The following COL6A3 variants were observed in gnomAD, a reference collection of about 807,000 sequenced individuals.
The protein encoded by COL6A3 is collagen alpha-3(VI) chain.
A neutral mutation model predicts 274.1 loss-of-function variants in COL6A3; 137 were observed. The ratio of observed to expected loss-of-function variants is 0.50; its 90% confidence interval spans 0.44 to 0.58. COL6A3 has a LOEUF of 0.58. Ranked by LOEUF, COL6A3 falls within the 20% of genes least tolerant of loss-of-function variation. The pLI, the probability that COL6A3 is intolerant of heterozygous loss-of-function variation, is 0.00. For missense variants in COL6A3, 3,950 were observed against 4,124.9 expected, an observed-to-expected ratio of 0.96 and a Z score of 1.16; for synonymous variants, 1,650 against 1,650.6, an observed-to-expected ratio of 1.00 and a Z score of 0.01.
In COL6A3 at chr2:237,371,672, A is replaced by G; in HGVS notation, c.4285+60T>C. The G allele has an allele frequency of 3.9e-6, 6 of 1,529,506 alleles. No individual in the cohort carries two copies. The highest frequency in any genetic ancestry group is 5.3e-6 in the Non-Finnish European group (6 of 1,141,742). 94.7% of individuals were successfully genotyped at this position (1,529,506 alleles called of 1,614,324 possible). A position where few individuals can be genotyped will look rare whatever the true frequency, so the allele number is the denominator to read the frequency against. On this transcript the variant is annotated intron_variant, in intron 9 of 43. Transcript: ENST00000295550. The surrounding 1 kb of genome is among the most constrained non-coding windows in gnomAD (Gnocchi z 4.3). Reference sequence around the variant, plus strand: ...TTTATTATGAGTACCATGGCCTTTGAGCCTGTTATTTTTCATATGGAAAAT... The same window carrying G: ...TTTATTATGAGTACCATGGCCTTTGGGCCTGTTATTTTTCATATGGAAAAT...
chr2:237,346,353 A>G (rs1319070121), intron 32 of COL6A3, 150 bp downstream of exon 32: 1 of 693,920 alleles, frequency 1.4e-6, no homozygotes, highest in Non-Finnish European at 2.6e-6. Flanking sequence ...TCTTTGCTGC[A>G]TCATGATGTC....
At position 237,368,621 on chromosome 2, in the gene COL6A3, T is replaced by C. The variant is rs199531763; in HGVS notation, c.4842A>G (p.Gly1614=). Residue 1614 remains glycine, a synonymous_variant, in exon 10 of 44, where the codon GGA becomes GGG. Transcript: ENST00000295550. This position sits in a 1 kb window ranked among gnomAD's most constrained non-coding sequence, Gnocchi z 4.4. Reference sequence around the variant, plus strand: ...GAGGTGCAGGAGTGGCTGCGGAGGGTCCAAACGAGTTCATGATTCTTTCTT... The same window carrying C: ...GAGGTGCAGGAGTGGCTGCGGAGGGCCCAAACGAGTTCATGATTCTTTCTT... The part of the protein sequence containing the change: ...NIEERIMNSF[G]PSAATPAPPG... 11 of 1,613,196 alleles carry C rather than the reference T, an allele frequency of 6.8e-6. No individual in the cohort carries two copies. In the Admixed American group the frequency reaches 1.8e-4, roughly 27 times the overall value.
Position 237,395,167 on chromosome 2 carries a change from T to C in COL6A3, c.129A>G (p.Leu43=). Residue 43 remains leucine, a synonymous_variant, in exon 3 of 44, where the codon CTA becomes CTG. Transcript: ENST00000295550. The part of the protein sequence containing the change: ...KNGAAADIIF[L]VDSSWTIGEE... ...CTCCAATGGTCCAAGAGGAATCCAC[T>C]AGAAATATTATATCAGCAGCCGCAC... 3.1e-6 allele frequency: 5 copies of C among 1,613,688 alleles called. No homozygotes were observed. The highest frequency in any genetic ancestry group is 1.6e-4 in the Middle Eastern group (1 of 6,062).
intron 22 of COL6A3, 129 bp downstream of exon 22, chr2:237,357,688 G>T: frequency 1.0e-6 from 1 of 976,974 alleles, no homozygotes; most frequent in Non-Finnish European, 1.7e-6. Context: ...GGACTCTGCT[G>T]CTAATCTTAG....
chr2:237,381,610 A>G, intron 4 of COL6A3, 111 bp from the exon 5 acceptor site: 1 of 927,212 alleles, frequency 1.1e-6, no homozygotes, highest in South Asian at 1.4e-5. Context: ...TACTGTGGCC[A>G]ACGTGACCAC....
intron 1 of COL6A3, among the ~76,000 whole-genome samples, chr2:237,408,736 A>T (rs1007172661): frequency 6.6e-6 from 1 of 152,110 alleles, no homozygotes; most frequent in African/African-American, 2.4e-5. Context: ...GCAATTCTCA[A>T]ATGTTTCTCT....
chr2:237,352,426 T>C, intron 26 of COL6A3, 96 bp downstream of exon 26: 1 of 1,223,214 alleles, frequency 8.2e-7, no homozygotes, highest in African/African-American at 1.5e-5. Flanking sequence ...AAGGGAGGTC[T>C]GTCTACAATA....
chr2:237,414,057 G>A lies in COL6A3; in HGVS notation c.-135C>T, dbSNP rs2078918992. On this transcript the variant is annotated 5_prime_UTR_variant, in exon 1 of 44. Transcript: ENST00000295550. ...CACTGCGTCTCTTTTTCTTTTTGCA[G>A]CCTTTCTCCACCAAAAAAGTGGAGA... 6.6e-6 allele frequency: 1 copy of A among 152,132 alleles called. No individual in the cohort carries two copies. The highest frequency in any genetic ancestry group is 2.4e-5 in the African/African-American group (1 of 41,426). The allele number at this position is 152,132 out of a possible 1,614,324, so 9.4% of individuals were successfully genotyped here.
chr2:237,394,748 C>A lies in COL6A3; in HGVS notation c.548G>T (p.Gly183Val). The change falls in exon 3 of 44, where the codon GGA (glycine) becomes GTA (valine). Residue 183 changes from glycine to valine, a missense_variant. This residue lies in a region of COL6A3 where 1,934 missense variants were observed against 1,984.3 expected (regional missense o/e 0.97). Coordinates refer to ENST00000295550, the MANE Select transcript of COL6A3 (RefSeq NM_004369.4). ...TTCACTTGCTATTTCTTTTAACGCT[C>A]CTTCATCTGCATCCTCAACTCCAAT... is the stretch of plus-strand genomic sequence containing the variant. ...FAIGVEDADE[G>V]ALKEIASEPL... The A allele has an allele frequency of 6.2e-7, 1 of 1,614,200 alleles. No homozygotes were observed. Among genetic ancestry groups the A allele is most frequent in the South Asian group, 1.1e-5 (1 of 91,086 alleles).
At chr2:237,325,495 A>G in intron 43 of COL6A3, 65 bp downstream of exon 43, 1 of 1,542,902 alleles carries the variant, frequency 6.5e-7, no homozygotes, top group South Asian at 1.1e-5. Flanking sequence ...AATATTTTTC[A>G]AGGTGACTTA....
rs772298563 is a variant in COL6A3, at chr2:237,353,379, G to A, written c.6652C>T (p.Pro2218Ser). The change falls in exon 25 of 44, where the codon CCG becomes TCG. Residue 2218 changes from proline (P) to serine (S), a missense_variant. Coordinates refer to ENST00000295550, the MANE Select transcript of COL6A3 (RefSeq NM_004369.4). ...GTCCCCTGCTCTCCCTCAAAGCCCG[G>A]CTGGCCAGGACCGCCCTTGTTGCCC... ...AKGNKGGPGQ[P>S]GFEGEQGTRG... The A allele has an allele frequency of 6.2e-7, 1 of 1,614,118 alleles. No homozygotes were observed. The highest frequency in any genetic ancestry group is 8.5e-7 in the Non-Finnish European group (1 of 1,180,024).
rs113992704 is a variant in COL6A3 at position 237,325,573 on chromosome 2, C to T, written c.9480G>A (p.Lys3160=). ...NKFGSQKECE[K]VCAPVLAKPG... is the part of the protein sequence containing the mutation. Reference sequence around the variant, plus strand: ...AGAATCACTTACCAGGAGCGCAAACCTTTTCACATTCTTTCTGTGATCCAA... The same window carrying T: ...AGAATCACTTACCAGGAGCGCAAACTTTTTCACATTCTTTCTGTGATCCAA... Residue 3160 remains lysine (K), a synonymous_variant, in exon 43 of 44, where the codon AAG becomes AAA. Coordinates refer to ENST00000295550, the MANE Select transcript of COL6A3 (RefSeq NM_004369.4). 28 of 1,614,020 alleles carry T rather than the reference C, an allele frequency of 1.7e-5. No homozygotes were observed. Among genetic ancestry groups the T allele is most frequent in the Non-Finnish European group, 2.3e-5 (27 of 1,180,042 alleles).
chr2:237,356,780 A>G (rs2077327428), intron 23 of COL6A3: 1 of 164,834 alleles, frequency 6.1e-6, no homozygotes, highest in African/African-American at 2.4e-5. Context: ...AAGATCATTC[A>G]CATCACTTTG....
intron 29 of COL6A3, 56 bp from the exon 30 acceptor site, chr2:237,348,440 A>G (rs976288590): frequency 6.8e-7 from 1 of 1,478,322 alleles, no homozygotes; most frequent in Non-Finnish European, 9.4e-7. Flanking sequence ...TTCATCTAAA[A>G]TAAATTGACC....
Position 237,356,587 on chromosome 2 carries a change from C to A in COL6A3, c.6591+751G>T, listed in dbSNP as rs117814944. Among the ~76,000 whole-genome samples the A allele has an allele frequency of 1.3e-3, 203 of 152,304 alleles. 1 individual carries two copies. The East Asian group carries it at 0.034, about 26-fold the overall frequency. On this transcript the variant is annotated intron_variant, in intron 23 of 43. Coordinates refer to ENST00000295550, the MANE Select transcript of COL6A3 (RefSeq NM_004369.4). Reference sequence around the variant, plus strand: ...TGGCTGAGGGCCCAGTTCCCAGCACCCAGCCCCAGCTTGCAGCCTTTGTGC... The same window carrying A: ...TGGCTGAGGGCCCAGTTCCCAGCACACAGCCCCAGCTTGCAGCCTTTGTGC...
intron 39 of COL6A3, 116 bp from the exon 40 acceptor site, chr2:237,336,648 A>T: frequency 9.4e-7 from 1 of 1,063,398 alleles, no homozygotes; most frequent in East Asian, 2.4e-5. Flanking sequence ...AATAGTTTTT[A>T]TAGATTATGT....
chr2:237,393,875 G>A (rs1180763669), intron 3 of COL6A3, among the ~76,000 whole-genome samples: 4 of 152,122 alleles, frequency 2.6e-5, no homozygotes, highest in Admixed American at 6.5e-5. Flanking sequence ...ATGTCCGTGT[G>A]CTCTCAATAC....
At chr2:237,391,215 C>T (rs73093784) in intron 3 of COL6A3, among the ~76,000 whole-genome samples, 8,413 of 152,240 alleles carry the variant, frequency 0.055, 569 homozygotes, top group African/African-American at 0.15. Context: ...CTAGGAGGAA[C>T]TGCAGAGTGA....
At chr2:237,357,515 A>G (rs2077344401) in intron 22 of COL6A3, 124 bp from the exon 23 acceptor site, 8 of 939,480 alleles carry the variant, frequency 8.5e-6, no homozygotes, top group South Asian at 2.6e-5. Context: ...TCTGCAGGAC[A>G]GTTGCACACT....
Sources: allele counts gnomAD v4.1 joint callset (sites outside exome capture counted in the v4.1 genomes callset), GRCh38; gene constraint gnomAD v4.1.1; regional missense constraint gnomAD v4.1.1; non-coding constraint Gnocchi (gnomAD v3.1); transcripts MANE v1.5; gene names NCBI Gene and HGNC (gene_info 2026-07-23, HGNC 2026-07-21).